ATXN8OS: variants seen among roughly 807,000 people sequenced by gnomAD.
ATXN8OS encodes ATXN8 opposite strand lncRNA, also known as ATXN8 opposite strand (non-protein coding).
chr13:70,158,279 G>A (rs547469495), intron 4 of ATXN8OS, among the ~76,000 whole-genome samples: 3 of 152,206 alleles, frequency 2.0e-5, no homozygotes, highest in South Asian at 2.1e-4. Flanking sequence ...TTAGCCAGGC[G>A]TGGTGGCCCT....
At chr13:70,153,800 C>T (rs922883486) in intron 4 of ATXN8OS, among the ~76,000 whole-genome samples, 3 of 152,042 alleles carry the variant, frequency 2.0e-5, no homozygotes, top group Non-Finnish European at 2.9e-5. Context: ...CCACCTCAAC[C>T]TCCCAAGCAG....
At chr13:70,155,971 C>A (rs1035651129) in intron 4 of ATXN8OS, among the ~76,000 whole-genome samples, 3 of 152,014 alleles carry the variant, frequency 2.0e-5, no homozygotes, top group Admixed American at 2.0e-4. Flanking sequence ...TTCCTATATG[C>A]CTTTTTGTTT....
At chr13:70,149,478 A>G (rs1394887912) in intron 4 of ATXN8OS, among the ~76,000 whole-genome samples, 3 of 152,166 alleles carry the variant, frequency 2.0e-5, no homozygotes, top group Admixed American at 6.6e-5. Flanking sequence ...CATTGTAAAC[A>G]TAATAATAAA....
At chr13:70,167,735 T>TC (rs1211038827) in intron 4 of ATXN8OS, among the ~76,000 whole-genome samples, 2 of 83,872 alleles carry the variant, frequency 2.4e-5, no homozygotes, top group Non-Finnish European at 5.9e-5. Context: ...TTTTTTTTTT[T>TC]TTTTTTTTTT....
chr13:70,131,394 G>A (rs185310625), intron 3 of ATXN8OS: 61 of 398,376 alleles, frequency 1.5e-4, no homozygotes, highest in East Asian at 7.5e-4. Context: ...ATATATGACC[G>A]TGACACGTAT....
At chr13:70,112,921 T>TATATATATATATA (rs71116991) in intron 1 of ATXN8OS, among the ~76,000 whole-genome samples, 12 of 52,432 alleles carry the variant, frequency 2.3e-4, no homozygotes, top group African/African-American at 8.0e-4. Context: ...ATATATATAA[T>TATATATATATATA]TTTTTTTTTT....
intron 4 of ATXN8OS, among the ~76,000 whole-genome samples, chr13:70,169,584 C>T (rs924531834): frequency 5.3e-5 from 8 of 152,048 alleles, no homozygotes; most frequent in African/African-American, 1.9e-4. Context: ...TGAGCCACGG[C>T]GCCCAGCCAG....
chr13:70,131,557 C>G (rs1888533590), intron 3 of ATXN8OS: 1 of 398,168 alleles, frequency 2.5e-6, no homozygotes, highest in Admixed American at 4.4e-5. Context: ...TGCCTTTGGA[C>G]TGCTTCTTTC....
chr13:70,119,283 T>A (rs916994594), intron 2 of ATXN8OS, among the ~76,000 whole-genome samples: 7 of 152,090 alleles, frequency 4.6e-5, no homozygotes, highest in African/African-American at 1.7e-4. Flanking sequence ...TCTCTAGCAA[T>A]CACACAGTCA....
chr13:70,141,753 T>C (rs1363565861), intron 3 of ATXN8OS, among the ~76,000 whole-genome samples: 5 of 152,018 alleles, frequency 3.3e-5, no homozygotes, highest in African/African-American at 1.2e-4. Context: ...AAAAACAGTA[T>C]TCTATTTATA....
intron 4 of ATXN8OS, among the ~76,000 whole-genome samples, chr13:70,149,382 A>G (rs970268629): frequency 4.6e-5 from 7 of 152,138 alleles, no homozygotes; most frequent in African/African-American, 1.7e-4. Flanking sequence ...TAAATTATGT[A>G]TATATTTTTA....
At chr13:70,142,173 C>T (rs1295506758) in intron 3 of ATXN8OS, among the ~76,000 whole-genome samples, 4 of 151,964 alleles carry the variant, frequency 2.6e-5, no homozygotes, top group Admixed American at 6.6e-5. Context: ...CATGAGCCAC[C>T]GTGCTTTGAA....
At chr13:70,126,008 T>C (rs1888428401) in intron 2 of ATXN8OS, among the ~76,000 whole-genome samples, 1 of 152,160 alleles carries the variant, frequency 6.6e-6, no homozygotes, top group Non-Finnish European at 1.5e-5. Context: ...CATCTGGTGC[T>C]ACTAACGCAG....
exon 5 of ATXN8OS, among the ~76,000 whole-genome samples, chr13:70,171,235 C>T (rs1299037635): frequency 1.3e-5 from 2 of 152,034 alleles, no homozygotes; most frequent in Non-Finnish European, 2.9e-5. Context: ...GAAGAGTTGG[C>T]TGGTGGAAGC....
intron 1 of ATXN8OS, among the ~76,000 whole-genome samples, chr13:70,113,101 T>C (rs9572373): frequency 0.22 from 33,806 of 151,072 alleles, 3,977 homozygotes; most frequent in Admixed American, 0.29. Flanking sequence ...TTCGTATTTT[T>C]AGTAGAGACG....
intron 4 of ATXN8OS, among the ~76,000 whole-genome samples, chr13:70,167,454 G>C (rs1055281887): frequency 6.6e-6 from 1 of 151,884 alleles, no homozygotes; most frequent in African/African-American, 2.4e-5. Context: ...GGTGGGAATT[G>C]AACAATGAGA....
intron 4 of ATXN8OS, among the ~76,000 whole-genome samples, chr13:70,164,369 A>C (rs943145824): frequency 1.3e-5 from 2 of 151,706 alleles, no homozygotes; most frequent in African/African-American, 4.8e-5. Flanking sequence ...CAGGCAAAGC[A>C]CAGAGTTCTA....
At chr13:70,108,306 G>C (rs1248879199) in intron 1 of ATXN8OS, 1 of 344,168 alleles carries the variant, frequency 2.9e-6, no homozygotes, top group African/African-American at 2.1e-5. Context: ...CTGCCGGGTG[G>C]CTCTGAGAAA....
intron 4 of ATXN8OS, among the ~76,000 whole-genome samples, chr13:70,164,476 T>G (rs1889054766): frequency 6.6e-6 from 1 of 151,864 alleles, no homozygotes; most frequent in Non-Finnish European, 1.5e-5. Context: ...TTCTGAAAGT[T>G]AAAAAATTAG....
Sources: allele counts gnomAD v4.1 joint callset (sites outside exome capture counted in the v4.1 genomes callset), GRCh38; gene constraint gnomAD v4.1.1; transcripts MANE v1.5; gene names NCBI Gene and HGNC (gene_info 2026-07-23, HGNC 2026-07-21).